DCDC1: variants seen among roughly 807,000 people sequenced by gnomAD.
DCDC1 encodes the protein doublecortin domain containing 1, also known as doublecortin domain-containing protein 1.
A neutral mutation model predicts 178.3 loss-of-function variants in DCDC1; 200 were observed. That is an observed-to-expected ratio of 1.12 (90% CI 1.00 to 1.26). The LOEUF (loss-of-function observed/expected upper bound fraction) is 1.26. Among genes scored for constraint, DCDC1 ranks in the 50% most tolerant of loss-of-function variants. The probability of loss-of-function intolerance (pLI) is 0.00; values close to 1 mark genes in which losing one functional copy is unlikely to be tolerated. For missense variants in DCDC1, 1,983 were observed against 1,749.2 expected, an observed-to-expected ratio of 1.13 and a Z score of -2.38; for synonymous variants, 690 against 604.8, an observed-to-expected ratio of 1.14 and a Z score of -2.07.
chr11:31,256,029 T>A (rs1436907780), intron 8 of DCDC1, among the ~76,000 whole-genome samples: 1 of 152,186 alleles, frequency 6.6e-6, no homozygotes, highest in Non-Finnish European at 1.5e-5. Context: ...CCAACTTCAG[T>A]CTTTTGCATG....
At chr11:31,002,808 A>G (rs1043118629) in intron 20 of DCDC1, among the ~76,000 whole-genome samples, 2 of 152,146 alleles carry the variant, frequency 1.3e-5, no homozygotes, top group Admixed American at 1.3e-4. Flanking sequence ...CATCAAATAA[A>G]CCACATGTCA....
intron 13 of DCDC1, among the ~76,000 whole-genome samples, chr11:31,104,769 C>T (rs561813739): frequency 3.9e-5 from 6 of 151,914 alleles, no homozygotes; most frequent in South Asian, 2.1e-4. Flanking sequence ...GCTTTCAAGC[C>T]GTTCAAGAGG....
intron 36 of DCDC1, among the ~76,000 whole-genome samples, chr11:30,891,928 C>T (rs964459131): frequency 6.6e-6 from 1 of 152,158 alleles, no homozygotes; most frequent in African/African-American, 2.4e-5. Flanking sequence ...GGCCCTGCTA[C>T]TCTATGTGCC....
At chr11:30,913,945 T>C (rs1263249786) in intron 27 of DCDC1, among the ~76,000 whole-genome samples, 1 of 152,188 alleles carries the variant, frequency 6.6e-6, no homozygotes, top group Non-Finnish European at 1.5e-5. Context: ...TCTACTATAA[T>C]ACAGAAAGCC....
chr11:31,286,557 C>T (rs1929017), intron 7 of DCDC1, among the ~76,000 whole-genome samples: 106 of 151,740 alleles, frequency 7.0e-4, no homozygotes, highest in African/African-American at 2.4e-3. Context: ...AAGATTGACA[C>T]AACATATTTT....
chr11:31,258,306 G>A (rs950926877), intron 8 of DCDC1, among the ~76,000 whole-genome samples: 1 of 152,138 alleles, frequency 6.6e-6, no homozygotes, highest in African/African-American at 2.4e-5. Context: ...TTTGAACAAA[G>A]GATGCTATTG....
At chr11:31,263,095 T>A in intron 8 of DCDC1, 1 of 1,611,498 alleles carries the variant, frequency 6.2e-7, no homozygotes, top group Non-Finnish European at 8.5e-7. Flanking sequence ...AGTAATTCTG[T>A]TATACCATAT....
At chr11:30,942,887 C>A (rs1947754006) in intron 21 of DCDC1, among the ~76,000 whole-genome samples, 1 of 152,208 alleles carries the variant, frequency 6.6e-6, no homozygotes, top group African/African-American at 2.4e-5. Context: ...ATGTTAACTA[C>A]TACTGTCGGT....
At chr11:31,325,072 AGAT>A (rs1002088686) in intron 3 of DCDC1, among the ~76,000 whole-genome samples, 149 of 152,300 alleles carry the variant, frequency 9.8e-4, no homozygotes, top group African/African-American at 3.5e-3. Flanking sequence ...CACATTCCTT[AGAT>A]GATAATTGGT....
chr11:30,899,420 A>G (rs1944487511), intron 34 of DCDC1, 121 bp downstream of exon 34: 1 of 53,602 alleles, frequency 1.9e-5, no homozygotes, highest in East Asian at 1.2e-4. Flanking sequence ...AACAATATTT[A>G]TATATTGTTT....
chr11:31,256,697 T>C (rs1373418675), intron 8 of DCDC1, among the ~76,000 whole-genome samples: 3 of 152,206 alleles, frequency 2.0e-5, no homozygotes, highest in South Asian at 2.1e-4. Context: ...AGCTTTGTAG[T>C]TGTATTTTTA....
chr11:31,025,548 G>C (rs990932830), intron 20 of DCDC1, among the ~76,000 whole-genome samples: 1 of 151,606 alleles, frequency 6.6e-6, no homozygotes, highest in African/African-American at 2.4e-5. Context: ...AGGGGCAAAA[G>C]TATAAAATCA....
chr11:31,321,618 C>T (rs377683059), intron 3 of DCDC1, among the ~76,000 whole-genome samples: 96 of 152,224 alleles, frequency 6.3e-4, no homozygotes, highest in East Asian at 4.3e-3. Flanking sequence ...CCGTCTTCTG[C>T]GTCGCTCACG....
intron 21 of DCDC1, among the ~76,000 whole-genome samples, chr11:30,941,476 T>C (rs1028379687): frequency 1.3e-5 from 2 of 152,206 alleles, no homozygotes; most frequent in Admixed American, 1.3e-4. Context: ...AAACACATCA[T>C]CTCAGTTGTT....
At chr11:30,947,791 G>A (rs1403367414) in intron 21 of DCDC1, among the ~76,000 whole-genome samples, 2 of 151,940 alleles carry the variant, frequency 1.3e-5, no homozygotes, top group African/African-American at 2.4e-5. Flanking sequence ...CCCACAGAAT[G>A]GAAGAAAATA....
At chr11:31,018,672 A>G (rs137895149) in intron 20 of DCDC1, among the ~76,000 whole-genome samples, 92 of 152,300 alleles carry the variant, frequency 6.0e-4, no homozygotes, top group African/African-American at 2.1e-3. Flanking sequence ...TGTTAAGGAG[A>G]CCATGAGAAG....
intron 9 of DCDC1, among the ~76,000 whole-genome samples, chr11:31,148,986 A>T (rs1457326511): frequency 6.6e-6 from 1 of 152,162 alleles, no homozygotes; most frequent in Non-Finnish European, 1.5e-5. Context: ...AAATGAGAAC[A>T]TATGATATCT....
chr11:31,106,736 G>A (rs926785527), intron 13 of DCDC1, 61 bp downstream of exon 13: 9 of 735,622 alleles, frequency 1.2e-5, no homozygotes, highest in South Asian at 2.9e-5. Flanking sequence ...TCTCAAATCC[G>A]CTTTCAAATT....
At chr11:31,321,654 C>G (rs1251909595) in intron 3 of DCDC1, among the ~76,000 whole-genome samples, 3 of 152,154 alleles carry the variant, frequency 2.0e-5, no homozygotes, top group Non-Finnish European at 4.4e-5. Flanking sequence ...CGGAGCTGTT[C>G]CTATTCGGCC....
Sources: allele counts gnomAD v4.1 joint callset (sites outside exome capture counted in the v4.1 genomes callset), GRCh38; gene constraint gnomAD v4.1.1; transcripts MANE v1.5; gene names NCBI Gene and HGNC (gene_info 2026-07-23, HGNC 2026-07-21).